ASIC2: variants seen among roughly 807,000 people sequenced by gnomAD.
ASIC2 encodes acid sensing ion channel subunit 2, also known as acid-sensing ion channel 2.
ASIC2 carries 25 observed loss-of-function variants against 57.3 expected under a neutral mutation model. That is an observed-to-expected ratio of 0.44 (90% CI 0.32 to 0.61). The LOEUF is 0.61. Ranked by LOEUF, ASIC2 falls within the 20% of genes least tolerant of loss-of-function variation. The pLI is 0.06. For synonymous variants in ASIC2, 319 were observed against 307.5 expected (o/e 1.04, Z -0.39); for missense variants, 641 against 738.1 (o/e 0.87, Z 1.52).
intron 1 of ASIC2, among the ~76,000 whole-genome samples, chr17:33,656,321 G>C (rs1289178968): frequency 6.6e-6 from 1 of 152,154 alleles, no homozygotes; most frequent in Non-Finnish European, 1.5e-5. Flanking sequence ...TTTTATAAAT[G>C]ACATGAAGAC....
rs534671835 is a variant in ASIC2 at position 33,229,291 on chromosome 17, G to T, written c.708+62117C>A. On this transcript the variant is annotated intron_variant, in intron 1 of 9. Transcript: ENST00000225823. ...AAATAGCCTTCCTGGCTTATCCAGG[G>T]TTCATTCGTTCAATCATTCATTTGT... Among the ~76,000 whole-genome samples the T allele has an allele frequency of 5.3e-5, 8 of 152,258 alleles. No individual in the cohort carries two copies. The East Asian group carries it at 1.5e-3, about 29-fold the overall frequency.
intron 1 of ASIC2, among the ~76,000 whole-genome samples, chr17:33,880,439 C>T (rs1040470858): frequency 2.1e-4 from 32 of 152,206 alleles, no homozygotes; most frequent in South Asian, 1.7e-3. Flanking sequence ...CCACTGATCC[C>T]GCAGAAATAT....
At position 33,782,385 on chromosome 17, in the gene ASIC2, A is replaced by G. The variant is rs561775062; in HGVS notation, c.555+373593T>C. Among the ~76,000 whole-genome samples the G allele has an allele frequency of 2.5e-4, 38 of 150,936 alleles. No homozygotes were observed. The South Asian group carries it at 5.9e-3, about 23-fold the overall frequency. On this transcript the variant is annotated intron_variant, in intron 1 of 9. Transcript: ENST00000359872. ...TTTTTTTTTTTTTGCCCATTGCTCA[A>G]TTTCCATTTGTTAAAAAGATTATCC...
At chr17:33,564,819 A>G (rs1916182895) in intron 1 of ASIC2, among the ~76,000 whole-genome samples, 1 of 108,626 alleles carries the variant, frequency 9.2e-6, no homozygotes, top group Non-Finnish European at 1.8e-5. Context: ...CCCAGGATGG[A>G]AAACTGCTTA....
chr17:33,817,736 TA>T lies in ASIC2; in HGVS notation c.555+338241del, dbSNP rs1394137275. 2.0e-5 allele frequency among the ~76,000 whole-genome samples: 3 copies of T among 152,302 alleles called. No homozygotes were observed. The East Asian group carries it at 5.8e-4, about 29-fold the overall frequency. On this transcript the variant is annotated intron_variant, in intron 1 of 9. Coordinates refer to the ASIC2 transcript ENST00000359872. ...TTATTAAATATTTATATGATCTTAT[TA>T]AAATATTTATTTTCCTAAAGAACCC...
intron 1 of ASIC2, among the ~76,000 whole-genome samples, chr17:34,110,000 T>C (rs542788361): frequency 3.8e-4 from 57 of 151,688 alleles, no homozygotes; most frequent in Admixed American, 6.6e-4. Flanking sequence ...TGAGATGAGA[T>C]AGTATGGGAT....
chr17:33,844,371 G>C (rs1408557070), intron 1 of ASIC2, among the ~76,000 whole-genome samples: 1 of 152,180 alleles, frequency 6.6e-6, no homozygotes, highest in Non-Finnish European at 1.5e-5. Flanking sequence ...CACTGGATGG[G>C]ATGGAGTCAT....
intron 1 of ASIC2, among the ~76,000 whole-genome samples, chr17:34,068,407 G>A (rs1909254404): frequency 6.6e-6 from 1 of 152,190 alleles, no homozygotes; most frequent in Non-Finnish European, 1.5e-5. Flanking sequence ...GAAGGGAGAT[G>A]CCTATCTTTC....
intron 1 of ASIC2, among the ~76,000 whole-genome samples, chr17:33,499,702 C>T (rs1914044284): frequency 1.3e-5 from 2 of 152,206 alleles, no homozygotes; most frequent in Non-Finnish European, 2.9e-5. Context: ...GGGCAGCAGA[C>T]CTAAGCTGGT....
chr17:33,840,798 A>C (rs535006315), intron 1 of ASIC2, among the ~76,000 whole-genome samples: 2 of 86,986 alleles, frequency 2.3e-5, no homozygotes, highest in African/African-American at 8.5e-5. Flanking sequence ...ACCTGGACAC[A>C]CCACACACAC....
At chr17:33,796,089 C>T (rs1422105842) in intron 1 of ASIC2, among the ~76,000 whole-genome samples, 1 of 152,236 alleles carries the variant, frequency 6.6e-6, no homozygotes, top group African/African-American at 2.4e-5. Flanking sequence ...CCAAGTGCCA[C>T]AATCACAGTG....
intron 1 of ASIC2, among the ~76,000 whole-genome samples, chr17:33,908,667 CACATACACCTGGTTATG>C (rs998152476): frequency 2.0e-5 from 3 of 152,218 alleles, no homozygotes; most frequent in Non-Finnish European, 4.4e-5. Flanking sequence ...TACCACCCAC[CACATACACCTGGTTATG>C]ACACACTGTG....
intron 1 of ASIC2, among the ~76,000 whole-genome samples, chr17:34,122,121 C>T (rs1911640257): frequency 6.6e-6 from 1 of 152,196 alleles, no homozygotes; most frequent in Admixed American, 6.6e-5. Flanking sequence ...TTACTTGTTG[C>T]CTTTTAATAC....
At chr17:33,974,511 G>A (rs546745858) in intron 1 of ASIC2, among the ~76,000 whole-genome samples, 19 of 152,156 alleles carry the variant, frequency 1.2e-4, no homozygotes, top group South Asian at 1.2e-3. Context: ...TATGCTGCCC[G>A]GCAGGTGGAC....
At chr17:33,876,980 G>C (rs1914562439) in intron 1 of ASIC2, among the ~76,000 whole-genome samples, 2 of 152,206 alleles carry the variant, frequency 1.3e-5, no homozygotes, top group African/African-American at 4.8e-5. Context: ...AAAAGTCCAG[G>C]AATGTGTGCT....
chr17:33,552,326 T>C (rs948947391), intron 1 of ASIC2, among the ~76,000 whole-genome samples: 2 of 152,248 alleles, frequency 1.3e-5, no homozygotes, highest in Admixed American at 1.3e-4. Flanking sequence ...AGCTTAGAGA[T>C]GGTTGGATGG....
chr17:33,545,919 G>C (rs971650156), intron 1 of ASIC2, among the ~76,000 whole-genome samples: 1 of 152,022 alleles, frequency 6.6e-6, no homozygotes, highest in Non-Finnish European at 1.5e-5. Flanking sequence ...CCAACTATTT[G>C]GTGTTCTCCA....
chr17:33,510,932 C>T (rs567463657), intron 1 of ASIC2, among the ~76,000 whole-genome samples: 10 of 152,354 alleles, frequency 6.6e-5, no homozygotes, highest in East Asian at 5.8e-4. Context: ...ATGCACCCTC[C>T]GCAGTAAGGC....
intron 1 of ASIC2, among the ~76,000 whole-genome samples, chr17:33,876,017 A>C (rs1914537931): frequency 6.6e-6 from 1 of 152,198 alleles, no homozygotes; most frequent in Admixed American, 6.5e-5. Flanking sequence ...ATTTAAAATA[A>C]AAAAATAAAA....
Sources: gnomAD v4.1 joint callset for allele counts (sites outside exome capture counted in the v4.1 genomes callset) on GRCh38, gnomAD v4.1.1 for gene constraint, MANE v1.5 for transcripts, NCBI Gene and HGNC (gene_info 2026-07-23, HGNC 2026-07-21) for gene names.